PHACTR4: variants seen among roughly 807,000 people sequenced by gnomAD.
The protein encoded by PHACTR4 is phosphatase and actin regulator 4, also known as protein phosphatase 1, regulatory subunit 124.
In PHACTR4, 51 loss-of-function variants were observed where a neutral mutation model predicts 72.7. That is an observed-to-expected ratio of 0.70 (90% confidence interval 0.56 to 0.89). PHACTR4 has a LOEUF of 0.89. Among genes scored for constraint, PHACTR4 ranks in the 40% least tolerant of loss-of-function variants. PHACTR4 has a pLI of 0.00. For missense variants in PHACTR4, 731 were observed against 861.8 expected (o/e 0.85, Z 1.90); for synonymous variants, 255 against 302.5 (o/e 0.84, Z 1.63).
intron 8 of PHACTR4, among the ~76,000 whole-genome samples, chr1:28,478,622 G>GTTTTT (rs1335069214): frequency 1.3e-5 from 2 of 151,828 alleles, no homozygotes; most frequent in Non-Finnish European, 2.9e-5. Context: ...TTTTGTTTTT[G>GTTTTT]TTTTTGTTTT....
intron 2 of PHACTR4, among the ~76,000 whole-genome samples, chr1:28,439,862 T>C (rs1656876530): frequency 6.6e-6 from 1 of 152,182 alleles, no homozygotes; most frequent in African/African-American, 2.4e-5. Context: ...TTAGCAAGTA[T>C]AGTAAGGACT....
intron 6 of PHACTR4, among the ~76,000 whole-genome samples, chr1:28,467,623 C>G (rs180739134): frequency 1.4e-4 from 22 of 152,238 alleles, no homozygotes; most frequent in Admixed American, 1.4e-3. Flanking sequence ...TCTGTAGATG[C>G]CAGTGGAATT....
At chr1:28,438,561 T>G (rs1250333484) in intron 2 of PHACTR4, 17 of 982,144 alleles carry the variant, frequency 1.7e-5, no homozygotes, top group Non-Finnish European at 2.3e-5. Flanking sequence ...TTTATGTTTG[T>G]GAAGAATGAA....
intron 4 of PHACTR4, among the ~76,000 whole-genome samples, chr1:28,463,656 G>T (rs1370479435): frequency 6.6e-6 from 1 of 152,212 alleles, no homozygotes; most frequent in African/African-American, 2.4e-5. Context: ...GTAGTTGTCA[G>T]ATTACTTTGG....
chr1:28,404,741 T>C (rs1569846778), intron 1 of PHACTR4, among the ~76,000 whole-genome samples: 1 of 152,204 alleles, frequency 6.6e-6, no homozygotes, highest in East Asian at 1.9e-4. Context: ...CTCTGCATCT[T>C]TCCTAATACT....
chr1:28,473,012 C>T (rs1479208189), intron 6 of PHACTR4, among the ~76,000 whole-genome samples: 1 of 151,202 alleles, frequency 6.6e-6, no homozygotes, highest in Non-Finnish European at 1.5e-5. Flanking sequence ...CCATGGCTCA[C>T]GCCTGTAATC....
At chr1:28,493,201 G>C in intron 13 of PHACTR4, 110 bp downstream of exon 13, 1 of 921,472 alleles carries the variant, frequency 1.1e-6, no homozygotes, top group Non-Finnish European at 1.7e-6. Flanking sequence ...ACTCAGTGTT[G>C]ATTGCAAGAC....
At position 28,450,974 on chromosome 1, in the gene PHACTR4, C is replaced by CTT. The variant is rs1188704308; in HGVS notation, c.17-8092_17-8091dup. ...TACAGGCATGTACCACCACACCCAGCTTTTTTTTTTTTTTTTTTTTGTATT... is the reference window on the plus strand; with the variant it reads ...TACAGGCATGTACCACCACACCCAGCTTTTTTTTTTTTTTTTTTTTTTGTATT... On this transcript the variant is annotated intron_variant, in intron 2 of 13. Coordinates refer to ENST00000373839, the MANE Select transcript of PHACTR4 (RefSeq NM_001048183.3). Among the ~76,000 whole-genome samples, 44 of 72,056 alleles carry CTT rather than the reference C, an allele frequency of 6.1e-4. 2 individuals carry two copies. Among genetic ancestry groups the CTT allele is most frequent in the East Asian group, 1.3e-3 (5 of 3,816 alleles). 47.3% of individuals were successfully genotyped at this position (72,056 alleles called of 152,430 possible).
intron 2 of PHACTR4, chr1:28,438,380 T>C (rs778810030): frequency 2.5e-6 from 4 of 1,612,100 alleles, no homozygotes; most frequent in African/African-American, 1.3e-5. Flanking sequence ...TCAGACAATA[T>C]AATCATGGGA....
chr1:28,438,860 T>A (rs1464306640), intron 2 of PHACTR4, among the ~76,000 whole-genome samples: 2 of 152,230 alleles, frequency 1.3e-5, no homozygotes, highest in African/African-American at 4.8e-5. Flanking sequence ...GAATTAAGTT[T>A]TTAGACTTGG....
At chr1:28,378,039 T>C (rs577799519) in intron 1 of PHACTR4, among the ~76,000 whole-genome samples, 29 of 129,472 alleles carry the variant, frequency 2.2e-4, no homozygotes, top group African/African-American at 8.6e-4. Context: ...CTACTAAAAG[T>C]ACAAAAAATT....
intron 1 of PHACTR4, among the ~76,000 whole-genome samples, chr1:28,385,060 G>A (rs909355577): frequency 3.5e-4 from 53 of 152,114 alleles, no homozygotes; most frequent in African/African-American, 1.2e-3. Flanking sequence ...TGGTTATCTA[G>A]TTCTTTTAGT....
intron 1 of PHACTR4, among the ~76,000 whole-genome samples, chr1:28,374,375 A>G (rs1651481264): frequency 6.6e-6 from 1 of 152,228 alleles, no homozygotes; most frequent in Non-Finnish European, 1.5e-5. Flanking sequence ...TGCTTTTAAT[A>G]AAAACTTTTA....
intron 6 of PHACTR4, among the ~76,000 whole-genome samples, chr1:28,470,978 T>C (rs1659520655): frequency 6.6e-6 from 1 of 151,504 alleles, no homozygotes; most frequent in African/African-American, 2.4e-5. Context: ...TGAGCTATTG[T>C]TCATGCCACT....
At chr1:28,369,883 T>C (rs1396716104) in intron 1 of PHACTR4, 58 bp downstream of exon 1, 6 of 415,366 alleles carry the variant, frequency 1.4e-5, no homozygotes, top group Non-Finnish European at 2.4e-5. Flanking sequence ...GGCTGCGGCC[T>C]CCTCTCAGGC....
intron 2 of PHACTR4, among the ~76,000 whole-genome samples, chr1:28,412,212 A>T (rs1365996281): frequency 6.6e-6 from 1 of 152,222 alleles, no homozygotes; most frequent in Non-Finnish European, 1.5e-5. Context: ...AAATACTGTT[A>T]ATTTTCTTTA....
intron 1 of PHACTR4, among the ~76,000 whole-genome samples, chr1:28,379,461 A>G (rs2124131538): frequency 6.6e-6 from 1 of 150,818 alleles, no homozygotes; most frequent in Admixed American, 6.6e-5. Context: ...TTTTGTAGAG[A>G]TGGGATTTCG....
In PHACTR4 at chr1:28,441,556, A is replaced by C. The variant is rs546966509; in HGVS notation, c.17-17529A>C. ...AGAGTTTCTACTGTAGGATCTTTCT[A>C]ACAACTGGTGAACTGAGTATTTGAA... On this transcript the variant is annotated intron_variant, in intron 2 of 13. Transcript: ENST00000373839. Among the ~76,000 whole-genome samples, 156 of 152,342 alleles carry C rather than the reference A, an allele frequency of 1.0e-3. 1 individual carries two copies. The highest frequency in any genetic ancestry group is 6.8e-3 in the South Asian group (33 of 4,830).
intron 2 of PHACTR4, among the ~76,000 whole-genome samples, chr1:28,450,106 A>G (rs1342998488): frequency 6.6e-6 from 1 of 152,090 alleles, no homozygotes; most frequent in Non-Finnish European, 1.5e-5. Flanking sequence ...TTGGTTAGTT[A>G]TCTTCCACTC....
Sources: gnomAD v4.1 joint callset for allele counts (sites outside exome capture counted in the v4.1 genomes callset) on GRCh38, gnomAD v4.1.1 for gene constraint, MANE v1.5 for transcripts, NCBI Gene and HGNC (gene_info 2026-07-23, HGNC 2026-07-21) for gene names.